CACNA1B: variants seen among roughly 807,000 people sequenced by gnomAD.
The protein encoded by CACNA1B is voltage-dependent N-type calcium channel subunit alpha-1B.
Under a neutral mutation model 247.2 loss-of-function variants are expected in CACNA1B, and 70 were observed. The observed-to-expected ratio is 0.28, with a 90% CI of 0.23 to 0.35. CACNA1B has a LOEUF of 0.35. Ranked by LOEUF, CACNA1B falls within the 10% of genes least tolerant of loss-of-function variation. The probability of loss-of-function intolerance (pLI) is 1.00; values close to 1 mark genes in which losing one functional copy is unlikely to be tolerated. For synonymous variants in CACNA1B, 1,231 were observed against 1,294.4 expected (o/e 0.95, Z 1.05); for missense variants, 2,367 against 3,197.4 (o/e 0.74, Z 6.26).
intron 6 of CACNA1B, among the ~76,000 whole-genome samples, chr9:137,929,968 GT>G (rs573447619): frequency 2.0e-5 from 3 of 150,952 alleles, no homozygotes; most frequent in Middle Eastern, 3.4e-3. Flanking sequence ...TTTTAAAACT[GT>G]TTTTTTTTGT....
chr9:138,093,403 C>CAAAA (rs58608297), intron 36 of CACNA1B, among the ~76,000 whole-genome samples: 33 of 43,218 alleles, frequency 7.6e-4, no homozygotes, highest in East Asian at 3.2e-3. Flanking sequence ...GACTCTGTCT[C>CAAAA]AAAAAAAAAA....
intron 10 of CACNA1B, among the ~76,000 whole-genome samples, chr9:137,961,104 A>G (rs1958016672): frequency 6.6e-6 from 1 of 152,148 alleles, no homozygotes; most frequent in Non-Finnish European, 1.5e-5. Context: ...ATTTAATAAT[A>G]GGGAATACAT....
chr9:137,895,976 A>AC (rs1450298603), intron 3 of CACNA1B, among the ~76,000 whole-genome samples: 2 of 152,230 alleles, frequency 1.3e-5, no homozygotes, highest in Non-Finnish European at 2.9e-5. Context: ...GTAGTGGCTC[A>AC]CGCCTGTAAT....
chr9:137,919,729 G>C lies in CACNA1B; in HGVS notation c.966+2298G>C, dbSNP rs1332112298. Among the ~76,000 whole-genome samples the C allele has an allele frequency of 6.6e-6, 1 of 152,244 alleles. No individual in the cohort carries two copies. Among genetic ancestry groups the C allele is most frequent in the Non-Finnish European group, 1.5e-5 (1 of 68,042 alleles). On this transcript the variant is annotated intron_variant, in intron 6 of 46. Coordinates refer to ENST00000371372, the MANE Select transcript of CACNA1B (RefSeq NM_000718.4). This position sits in a 1 kb window ranked among gnomAD's most constrained non-coding sequence, Gnocchi z 4.6. ...AGGGGTGGAGGCAGAGAGATGGAAAGCTCAGTCCGTGTTGGGAGCAGGAGT... is the reference window on the plus strand; with the variant it reads ...AGGGGTGGAGGCAGAGAGATGGAAACCTCAGTCCGTGTTGGGAGCAGGAGT...
At position 138,012,310 on chromosome 9, in the gene CACNA1B, A is replaced by G. The variant is rs1217158887; in HGVS notation, c.2161-819A>G. ...CAGTGCTTGTGGGCAGTGCTGGGTC[A>G]GGACTTAGCCACAGGTGCAGAGCCT... On this transcript the variant is annotated intron_variant, in intron 17 of 46. Coordinates refer to ENST00000371372, the MANE Select transcript of CACNA1B (RefSeq NM_000718.4). The surrounding 1 kb of genome is among the most constrained non-coding windows in gnomAD (Gnocchi z 4.2). Among the ~76,000 whole-genome samples the G allele has an allele frequency of 2.6e-5, 4 of 152,224 alleles. No homozygotes were observed. The highest frequency in any genetic ancestry group is 4.4e-5 in the Non-Finnish European group (3 of 68,042).
At chr9:137,904,192 G>A (rs1156586222) in intron 3 of CACNA1B, among the ~76,000 whole-genome samples, 1 of 152,064 alleles carries the variant, frequency 6.6e-6, no homozygotes, top group African/African-American at 2.4e-5. Flanking sequence ...GGACCACTGG[G>A]GCTCACAACT....
intron 9 of CACNA1B, 71 bp downstream of exon 9, chr9:137,956,898 T>A: frequency 7.9e-7 from 1 of 1,263,198 alleles, no homozygotes; most frequent in Non-Finnish European, 1.2e-6. Context: ...GACACGTGCC[T>A]GCTTGCATGT....
At chr9:138,079,763 AAAG>A (rs1400067516) in intron 36 of CACNA1B, among the ~76,000 whole-genome samples, 9 of 149,216 alleles carry the variant, frequency 6.0e-5, no homozygotes, top group African/African-American at 2.0e-4. Context: ...AAAAAAAAAA[AAAG>A]AGGGAGGCTG....
chr9:137,911,010 T>A (rs1197196886), intron 3 of CACNA1B, among the ~76,000 whole-genome samples: 1 of 152,242 alleles, frequency 6.6e-6, no homozygotes, highest in African/African-American at 2.4e-5. Context: ...AGTTTTCTAG[T>A]CTTAGCTCTT....
intron 42 of CACNA1B, among the ~76,000 whole-genome samples, chr9:138,116,832 T>A (rs1961883820): frequency 6.6e-6 from 1 of 152,204 alleles, no homozygotes; most frequent in Non-Finnish European, 1.5e-5. Context: ...AGCCTGCCAC[T>A]GCGGCCGCTC....
At chr9:137,934,091 G>A (rs914451648) in intron 6 of CACNA1B, among the ~76,000 whole-genome samples, 4 of 152,144 alleles carry the variant, frequency 2.6e-5, no homozygotes, top group African/African-American at 9.7e-5. Context: ...TCCAGCTTAC[G>A]ATAAGTATGC....
intron 12 of CACNA1B, among the ~76,000 whole-genome samples, chr9:137,982,249 C>T (rs1054728922): frequency 1.3e-5 from 2 of 152,174 alleles, no homozygotes; most frequent in Non-Finnish European, 1.5e-5. Flanking sequence ...CAGCCTCATG[C>T]TCATTATGGC....
intron 6 of CACNA1B, among the ~76,000 whole-genome samples, chr9:137,921,937 CG>C (rs1430586650): frequency 8.9e-5 from 13 of 146,780 alleles, no homozygotes; most frequent in East Asian, 6.2e-4. Flanking sequence ...GTCAGCACCA[CG>C]ACCGCACAGC....
intron 10 of CACNA1B, among the ~76,000 whole-genome samples, chr9:137,962,048 A>G (rs1441589456): frequency 6.6e-6 from 1 of 152,120 alleles, no homozygotes; most frequent in African/African-American, 2.4e-5. Context: ...TTACTGCCTC[A>G]ATTTTAGACC....
At chr9:138,082,750 G>A (rs1396327915) in intron 36 of CACNA1B, among the ~76,000 whole-genome samples, 1 of 151,190 alleles carries the variant, frequency 6.6e-6, no homozygotes, top group East Asian at 2.0e-4. Context: ...CAAGATGGCT[G>A]ACCTTCCACC....
rs878931276 is a variant in CACNA1B at position 137,971,292 on chromosome 9, T to G, written c.1334-91T>G. 22 of 848,052 alleles carry G rather than the reference T, an allele frequency of 2.6e-5. No individual in the cohort carries two copies. The Middle Eastern group carries it at 3.6e-3, about 140-fold the overall frequency. 52.5% of individuals were successfully genotyped at this position (848,052 alleles called of 1,614,324 possible). A position where few individuals can be genotyped will look rare whatever the true frequency, so the allele number is the denominator to read the frequency against. On this transcript the variant is annotated intron_variant, in intron 10 of 46. Coordinates refer to ENST00000371372, the MANE Select transcript of CACNA1B (RefSeq NM_000718.4). This position sits in a 1 kb window ranked among gnomAD's most constrained non-coding sequence, Gnocchi z 4.4. ...GTGACCGGCTGGGGCTGGGGGCAGGTGTCCTCCAGAGTGCGTCTGTGGGGG... is the reference window on the plus strand; with the variant it reads ...GTGACCGGCTGGGGCTGGGGGCAGGGGTCCTCCAGAGTGCGTCTGTGGGGG...
chr9:137,949,223 T>TGTGTGTGGTGTATGTATGCATGTGTGTG (rs1564203420), intron 6 of CACNA1B, among the ~76,000 whole-genome samples: 1 of 35,970 alleles, frequency 2.8e-5, no homozygotes, highest in Non-Finnish European at 5.8e-5. Context: ...GTGGTGTGAG[T>TGTGTGTGGTGTATGTATGCATGTGTGTG]GTGTGTGTGG....
rs766621484 is a variant in CACNA1B, at chr9:138,078,099, T to G, written c.4950-15T>G. 1.9e-6 allele frequency: 3 copies of G among 1,612,698 alleles called. No homozygotes were observed. Among genetic ancestry groups the G allele is most frequent in the South Asian group, 1.1e-5 (1 of 90,930 alleles). On this transcript the variant is annotated splice_polypyrimidine_tract_variant and intron_variant, in intron 35 of 46. Transcript: ENST00000371372. ...AGGGCCTCTGTGGGCCTCACAACTC[T>G]GCCCTTCTTCTCAGGAGCGCCACGG...
Position 138,102,169 on chromosome 9 carries a change from C to G in CACNA1B, c.5223-542C>G, listed in dbSNP as rs1211070135. Among the ~76,000 whole-genome samples, 1 of 152,138 alleles carries G rather than the reference C, an allele frequency of 6.6e-6. No homozygotes were observed. The highest frequency in any genetic ancestry group is 1.5e-5 in the Non-Finnish European group (1 of 68,026). ...GCTTCAGGGCTCCCTGTTTAGTTTTCTGGTTTGTTTCAGATCTTCTCCACC... is the reference window on the plus strand; with the variant it reads ...GCTTCAGGGCTCCCTGTTTAGTTTTGTGGTTTGTTTCAGATCTTCTCCACC... On this transcript the variant is annotated intron_variant, in intron 37 of 46. Coordinates refer to ENST00000371372, the MANE Select transcript of CACNA1B (RefSeq NM_000718.4). This position sits in a 1 kb window ranked among gnomAD's most constrained non-coding sequence, Gnocchi z 5.4.
Sources: gnomAD v4.1 joint callset for allele counts (sites outside exome capture counted in the v4.1 genomes callset) on GRCh38, gnomAD v4.1.1 for gene constraint, Gnocchi (gnomAD v3.1) non-coding constraint, MANE v1.5 for transcripts, NCBI Gene and HGNC (gene_info 2026-07-23, HGNC 2026-07-21) for gene names.